The following PDK4 variants were observed in gnomAD, a reference collection of about 807,000 sequenced individuals.
PDK4 encodes pyruvate dehydrogenase kinase, isozyme 4.
In PDK4, 43 loss-of-function variants were observed where a neutral mutation model predicts 51.7. That is an observed-to-expected ratio of 0.83 (90% CI 0.65 to 1.07). The LOEUF (loss-of-function observed/expected upper bound fraction) is 1.07, where lower values mean the gene tolerates loss of function less well. Among genes scored for constraint, PDK4 ranks in the 50% least tolerant of loss-of-function variants. The probability of loss-of-function intolerance (pLI) is 0.00; values close to 1 mark genes in which losing one functional copy is unlikely to be tolerated. For missense variants in PDK4, 498 were observed against 503.5 expected, an observed-to-expected ratio of 0.99 and a Z score of 0.10; for synonymous variants, 170 against 176.6, an observed-to-expected ratio of 0.96 and a Z score of 0.30.
intron 6 of PDK4, among the ~76,000 whole-genome samples, chr7:95,590,531 A>C (rs1383211821): frequency 6.6e-6 from 1 of 152,222 alleles, no homozygotes; most frequent in Non-Finnish European, 1.5e-5. Context: ...AAGGTCTGGC[A>C]CAATCCCCTC....
At chr7:95,586,415 G>T (rs148240420) in intron 10 of PDK4, among the ~76,000 whole-genome samples, 3 of 151,960 alleles carry the variant, frequency 2.0e-5, no homozygotes, top group African/African-American at 7.3e-5. Context: ...GGCTGGTCTA[G>T]AACCACTGAA....
At chr7:95,587,876 A>G (rs771912505) in intron 7 of PDK4, 51 bp from the exon 8 acceptor site, 8 of 1,136,466 alleles carry the variant, frequency 7.0e-6, no homozygotes, top group African/African-American at 3.2e-5. Flanking sequence ...ATGAGGGACA[A>G]TAAATGTTTT....
intron 7 of PDK4, 129 bp downstream of exon 7, chr7:95,589,511 G>C: frequency 1.8e-6 from 1 of 547,470 alleles, no homozygotes; most frequent in East Asian, 2.9e-5. Flanking sequence ...CTTTCTCTTA[G>C]GAGGACTAGA....
rs192245329 is a variant in PDK4, at chr7:95,594,083, T to A, written c.273-313A>T. ...AATAATACTTAGAAACAACTTTTTT[T>A]AAAGCTTTTTATTTTTTTTCTACTA... On this transcript the variant is annotated intron_variant, in intron 2 of 10. Coordinates refer to ENST00000005178, the MANE Select transcript of PDK4 (RefSeq NM_002612.4). Among the ~76,000 whole-genome samples the A allele has an allele frequency of 1.1e-3, 164 of 152,344 alleles. 1 individual carries two copies. Among genetic ancestry groups the A allele is most frequent in the African/African-American group, 3.7e-3 (155 of 41,592 alleles).
chr7:95,596,030 C>T (rs368322059), intron 1 of PDK4, 134 bp downstream of exon 1: 5 of 992,426 alleles, frequency 5.0e-6, no homozygotes, highest in Non-Finnish European at 7.2e-6. Flanking sequence ...GTGCTGGCGT[C>T]GAGGCTCCAG....
intron 7 of PDK4, among the ~76,000 whole-genome samples, chr7:95,589,425 G>A (rs2073983): frequency 0.28 from 41,937 of 152,106 alleles, 6,729 homozygotes; most frequent in East Asian, 0.78. Context: ...ATCATGAATT[G>A]TATGATGCAT....
chr7:95,587,771 T>C lies in PDK4; in HGVS notation c.826A>G (p.Ile276Val). 2 of 1,613,374 alleles carry C rather than the reference T, an allele frequency of 1.2e-6. No homozygotes were observed. Among genetic ancestry groups the C allele is most frequent in the Non-Finnish European group, 1.7e-6 (2 of 1,179,336 alleles). ...HQENQPSLTP[I>V]EVIVVLGKED... ...TTTCCCAAGACAACAATAACCTCTATTGGTGTAAGGGAAGGCTGATTTTCC... is the reference window on the plus strand; with the variant it reads ...TTTCCCAAGACAACAATAACCTCTACTGGTGTAAGGGAAGGCTGATTTTCC... Residue 276 changes from isoleucine to valine, a missense_variant, in exon 8 of 11, where the codon ATA becomes GTA. By Grantham distance (29) the Ile-to-Val change is conservative. Coordinates refer to ENST00000005178, the MANE Select transcript of PDK4 (RefSeq NM_002612.4).
At chr7:95,593,472 C>T (rs1237681329) in intron 3 of PDK4, among the ~76,000 whole-genome samples, 1 of 152,070 alleles carries the variant, frequency 6.6e-6, no homozygotes, top group South Asian at 2.1e-4. Context: ...ATAGGTCTCC[C>T]TGGGGGATCA....
chr7:95,586,487 C>G (rs180815635), intron 10 of PDK4, among the ~76,000 whole-genome samples: 31 of 152,226 alleles, frequency 2.0e-4, no homozygotes, highest in African/African-American at 7.5e-4. Flanking sequence ...GCCACTGTGC[C>G]CAGCCAACAT....
At chr7:95,587,329 A>T (rs979195769) in intron 9 of PDK4, 89 bp downstream of exon 9, 9 of 855,514 alleles carry the variant, frequency 1.1e-5, no homozygotes, top group African/African-American at 1.0e-4. Flanking sequence ...TACTTAATTG[A>T]TGAACTTGTC....
At chr7:95,593,916 A>C in intron 2 of PDK4, 146 bp from the exon 3 acceptor site, 1 of 426,034 alleles carries the variant, frequency 2.3e-6, no homozygotes, top group East Asian at 3.5e-5. Context: ...CATTTGGAAA[A>C]TAATATAAAT....
At position 95,592,938 on chromosome 7, in the gene PDK4, T is replaced by C; in HGVS notation, c.351A>G (p.Val117=). The stretch of plus-strand genomic sequence containing the variant: ...TATTTCGAACTTTGATGAGTGTATC[T>C]ACAAAGCTAAGCCACAATATTTATG... ...PDDQKALSDF[V]DTLIKVRNRH... is the part of the protein sequence containing the mutation. The change falls in exon 4 of 11, where the codon GTA becomes GTG. Residue 117 remains valine, a synonymous_variant. Coordinates refer to ENST00000005178, the MANE Select transcript of PDK4 (RefSeq NM_002612.4). The C allele has an allele frequency of 6.3e-7, 1 of 1,582,002 alleles. No homozygotes were observed. The highest frequency in any genetic ancestry group is 8.6e-7 in the Non-Finnish European group (1 of 1,160,316).
chr7:95,587,681 T>G (rs1407375548), intron 8 of PDK4, 46 bp downstream of exon 8: 1 of 1,346,840 alleles, frequency 7.4e-7, no homozygotes, highest in Admixed American at 1.7e-5. Flanking sequence ...TTGACCCTAT[T>G]TAATTCTCTC....
At position 95,587,775 on chromosome 7, in the gene PDK4, T is replaced by A. The variant is rs748659153; in HGVS notation, c.822A>T (p.Thr274=). ...CCAAGACAACAATAACCTCTATTGGTGTAAGGGAAGGCTGATTTTCCTGGT... is the reference window on the plus strand; with the variant it reads ...CCAAGACAACAATAACCTCTATTGGAGTAAGGGAAGGCTGATTTTCCTGGT... ...VEHQENQPSL[T]PIEVIVVLGK... Residue 274 remains threonine (T), a synonymous_variant, in exon 8 of 11, where the codon ACA becomes ACT. Transcript: ENST00000005178. 10 of 1,613,558 alleles carry A rather than the reference T, an allele frequency of 6.2e-6. No individual in the cohort carries two copies. The highest frequency in any genetic ancestry group is 8.5e-6 in the Non-Finnish European group (10 of 1,179,522).
intron 7 of PDK4, 42 bp downstream of exon 7, chr7:95,589,598 C>G: frequency 9.8e-7 from 1 of 1,015,626 alleles, no homozygotes; most frequent in Non-Finnish European, 1.5e-6. Flanking sequence ...ACTGTTAAAC[C>G]TTTTTAAAAG....
rs1791580694 is a variant in PDK4 at position 95,593,710 on chromosome 7, T to C, written c.333A>G (p.Lys111=). ...TGCATAGAGCTTACTCTGATAATGCTTTCTGGTCATCTGGGCTTTTCTCAT... is the reference window on the plus strand; with the variant it reads ...TGCATAGAGCTTACTCTGATAATGCCTTCTGGTCATCTGGGCTTTTCTCAT... ...EFHEKSPDDQ[K]ALSDFVDTLI... is the part of the protein sequence containing the mutation. The change falls in exon 3 of 11, where the codon AAA becomes AAG. Residue 111 remains lysine (K), a synonymous_variant. Coordinates refer to ENST00000005178, the MANE Select transcript of PDK4 (RefSeq NM_002612.4). 2 of 1,530,354 alleles carry C rather than the reference T, an allele frequency of 1.3e-6. No homozygotes were observed. Among genetic ancestry groups the C allele is most frequent in the African/African-American group, 2.7e-5 (2 of 73,246 alleles). The allele number at this position is 1,530,354 out of a possible 1,614,324, so 94.8% of individuals were successfully genotyped here. A position where few individuals can be genotyped will look rare whatever the true frequency, so the allele number is the denominator to read the frequency against.
intron 7 of PDK4, among the ~76,000 whole-genome samples, chr7:95,588,119 G>T (rs954673667): frequency 6.6e-6 from 1 of 152,010 alleles, no homozygotes; most frequent in Admixed American, 6.6e-5. Context: ...TGTAGAAATT[G>T]GTTTTTATAG....
At chr7:95,587,920 G>A in intron 7 of PDK4, 95 bp from the exon 8 acceptor site, 3 of 790,026 alleles carry the variant, frequency 3.8e-6, no homozygotes, top group South Asian at 1.7e-5. Context: ...TAGCACAGAG[G>A]GTAATTCAAA....
chr7:95,596,470 T>C lies in PDK4; in HGVS notation c.-177A>G, dbSNP rs920408505. The C allele has an allele frequency of 3.8e-5, 22 of 576,042 alleles. No homozygotes were observed. The East Asian group carries it at 4.3e-4, about 11-fold the overall frequency. 35.7% of individuals were successfully genotyped at this position (576,042 alleles called of 1,614,324 possible). ...TGAGGGTGCCGCGGAGTGAAGAGTC[T>C]GGGCAGAGTCGGAGATGCAGTGGTT... is the stretch of plus-strand genomic sequence containing the variant. On this transcript the variant is annotated 5_prime_UTR_variant, in exon 1 of 11. Coordinates refer to ENST00000005178, the MANE Select transcript of PDK4 (RefSeq NM_002612.4).
Sources: allele counts gnomAD v4.1 joint callset (sites outside exome capture counted in the v4.1 genomes callset), GRCh38; gene constraint gnomAD v4.1.1; transcripts MANE v1.5; gene names NCBI Gene and HGNC (gene_info 2026-07-23, HGNC 2026-07-21).